The following HNRNPK variants were observed in gnomAD, a reference collection of about 807,000 sequenced individuals.
The protein encoded by HNRNPK is dC-stretch binding protein.
In HNRNPK, 7 loss-of-function variants were observed where a neutral mutation model predicts 67.0. The ratio of observed to expected loss-of-function variants is 0.10; its 90% CI spans 0.06 to 0.20. The LOEUF (loss-of-function observed/expected upper bound fraction) is 0.20, where lower values mean the gene tolerates loss of function less well. Among genes scored for constraint, HNRNPK ranks in the 10% least tolerant of loss-of-function variants. HNRNPK has a pLI of 1.00. For missense variants in HNRNPK, 264 were observed against 606.5 expected (o/e 0.44, Z 5.93); for synonymous variants, 213 against 193.7 (o/e 1.10, Z -0.83).
At chr9:83,975,754 T>C (rs1286045327) in intron 5 of HNRNPK, 1 of 568,736 alleles carries the variant, frequency 1.8e-6, no homozygotes, top group Non-Finnish European at 3.2e-6. Flanking sequence ...GGAAAAGCAA[T>C]AAATTTTAAT....
At chr9:83,979,737 C>G (rs1041685436) in intron 1 of HNRNPK, among the ~76,000 whole-genome samples, 18 of 152,134 alleles carry the variant, frequency 1.2e-4, no homozygotes, top group Admixed American at 7.9e-4. Flanking sequence ...CCTCCCCCCA[C>G]TGCCCGAGAC....
chr9:83,976,718 C>G (rs1431374613), intron 5 of HNRNPK: 1 of 290,762 alleles, frequency 3.4e-6, no homozygotes, highest in East Asian at 5.8e-5. Context: ...GTCGCTATTT[C>G]TAATTAAGAT....
At chr9:83,976,507 T>C (rs184848554) in intron 5 of HNRNPK, 1 of 152,666 alleles carries the variant, frequency 6.6e-6, no homozygotes, top group Admixed American at 6.5e-5. Context: ...CTCTATTCTT[T>C]ACCCATATTT....
chr9:83,970,240 T>G lies in HNRNPK; in HGVS notation c.1283A>C (p.Glu428Ala). ...GGTAATGATCCGATCTTCGGATCCT[T>G]CTAAAGGCTCATCAATTTTGATCGA... The part of the protein sequence containing the change: ...GASIKIDEPL[E>A]GSEDRIITIT... Residue 428 changes from glutamate to alanine, a missense_variant, in exon 16 of 17, where the codon GAA (glutamate) becomes GCA (alanine). Coordinates refer to ENST00000376263, the MANE Select transcript of HNRNPK (RefSeq NM_031263.4). The G allele has an allele frequency of 6.2e-7, 1 of 1,613,722 alleles. No homozygotes were observed. The highest frequency in any genetic ancestry group is 8.5e-7 in the Non-Finnish European group (1 of 1,179,632).
intron 7 of HNRNPK, 55 bp downstream of exon 7, chr9:83,974,462 C>A (rs1226212770): frequency 2.3e-6 from 2 of 867,216 alleles, no homozygotes; most frequent in African/African-American, 1.7e-5. Flanking sequence ...ATACAACATA[C>A]TTTAAACATT....
intron 11 of HNRNPK, 59 bp from the exon 12 acceptor site, chr9:83,971,785 A>G (rs1186485221): frequency 9.4e-6 from 15 of 1,597,768 alleles, no homozygotes; most frequent in Non-Finnish European, 1.3e-5. Context: ...ATATCAAATC[A>G]AAGTCTACCT....
chr9:83,972,264 T>C, intron 10 of HNRNPK, 75 bp from the exon 11 acceptor site: 2 of 1,099,026 alleles, frequency 1.8e-6, no homozygotes, highest in Non-Finnish European at 2.6e-6. Context: ...TCTAACATCA[T>C]CATCAAACAA....
Position 83,971,734 on chromosome 9 carries a change from C to A in HNRNPK, c.954-8G>T, listed in dbSNP as rs1368965627. On this transcript the variant is annotated splice_region_variant and splice_polypyrimidine_tract_variant and intron_variant, in intron 11 of 16. Transcript: ENST00000376263. ...TCATAGGCCATGAGGTCTCTGCAAG[C>A]ATAGTACTTGTTGTAATCTAAACGT... 6.2e-7 allele frequency: 1 copy of A among 1,613,112 alleles called. No individual in the cohort carries two copies. The highest frequency in any genetic ancestry group is 1.3e-5 in the African/African-American group (1 of 74,898).
chr9:83,971,893 T>C lies in HNRNPK; in HGVS notation c.942A>G (p.Pro314=). ...ARNLPLPPPP[P]PRGGDLMAYD... Reference sequence around the variant, plus strand: ...AAAAAACAACTTACCCCCCTCTAGGTGGTGGTGGTGGAGGAAGAGGAAGAT... The same window carrying C: ...AAAAAACAACTTACCCCCCTCTAGGCGGTGGTGGTGGAGGAAGAGGAAGAT... The change falls in exon 11 of 17, where the codon CCA becomes CCG. Residue 314 remains proline (P), a synonymous_variant. Transcript: ENST00000376263. 1 of 1,551,896 alleles carries C rather than the reference T, an allele frequency of 6.4e-7. No homozygotes were observed.
At position 83,973,270 on chromosome 9, in the gene HNRNPK, A is replaced by AT. The variant is rs112088787; in HGVS notation, c.516+15dup. On this transcript the variant is annotated intron_variant, in intron 9 of 16. Transcript: ENST00000376263. ...ACTTTCCAGCAAAGAATACGGCAGAATTTTTTTTTTTTTACCTCTCGAAGT... is the reference window on the plus strand; with the variant it reads ...ACTTTCCAGCAAAGAATACGGCAGAATTTTTTTTTTTTTTACCTCTCGAAGT... 23,139 of 1,218,370 alleles carry AT rather than the reference A, an allele frequency of 0.019. 25 individuals carry two copies. The highest frequency in any genetic ancestry group is 0.027 in the East Asian group (1,106 of 40,346). The allele number at this position is 1,218,370 out of a possible 1,614,324, so 75.5% of individuals were successfully genotyped here.
chr9:83,972,873 T>C lies in HNRNPK; in HGVS notation c.616A>G (p.Ile206Val), dbSNP rs1452859155. ...GGKPDRVVEC[I>V]KIILDLISES... ...GATATAAGATCAAGGATGATCTTTA[T>C]GCACTCTACAACCCTATCGGGTTTT... The change falls in exon 10 of 17, where the codon ATA becomes GTA. Residue 206 changes from isoleucine (I) to valine (V), a missense_variant. Coordinates refer to ENST00000376263, the MANE Select transcript of HNRNPK (RefSeq NM_031263.4). 6.2e-7 allele frequency: 1 copy of C among 1,608,270 alleles called. No homozygotes were observed. Among genetic ancestry groups the C allele is most frequent in the South Asian group, 1.1e-5 (1 of 90,404 alleles).
intron 1 of HNRNPK, among the ~76,000 whole-genome samples, chr9:83,978,926 G>C (rs185178328): frequency 2.0e-5 from 3 of 152,116 alleles, no homozygotes; most frequent in Non-Finnish European, 4.4e-5. Flanking sequence ...CCAACAACCA[G>C]AACAATCTAC....
intron 3 of HNRNPK, 71 bp from the exon 4 acceptor site, chr9:83,977,857 G>A (rs1288278168): frequency 1.1e-6 from 1 of 945,036 alleles, no homozygotes; most frequent in Non-Finnish European, 1.7e-6. Context: ...TGTTTCAAGA[G>A]ACTTGTTGCT....
intron 7 of HNRNPK, 66 bp from the exon 8 acceptor site, chr9:83,974,039 T>C (rs1448732100): frequency 5.0e-6 from 5 of 999,678 alleles, no homozygotes; most frequent in Admixed American, 1.9e-5. Context: ...GTCGCATATA[T>C]TGGTAAAGCT....
chr9:83,975,836 C>T (rs1052707301), intron 5 of HNRNPK: 2 of 324,436 alleles, frequency 6.2e-6, no homozygotes, highest in African/African-American at 2.0e-5. Context: ...CAATAATGGA[C>T]TTCTCTAAAT....
chr9:83,975,802 C>CT (rs1157161865), intron 5 of HNRNPK: 6 of 425,204 alleles, frequency 1.4e-5, no homozygotes, highest in Non-Finnish European at 2.6e-5. Flanking sequence ...ATGAAACAAG[C>CT]TTAAGTTGTT....
chr9:83,976,958 A>G, intron 5 of HNRNPK, 37 bp downstream of exon 5: 2 of 1,230,958 alleles, frequency 1.6e-6, no homozygotes, highest in Non-Finnish European at 2.4e-6. Context: ...TATAAACTGA[A>G]GCTGCTCGTG....
Position 83,972,168 on chromosome 9 carries a change from G to T in HNRNPK, c.667C>A (p.Gln223Lys), listed in dbSNP as rs1402715566. The T allele has an allele frequency of 6.2e-7, 1 of 1,604,576 alleles. No homozygotes were observed. Among genetic ancestry groups the T allele is most frequent in the African/African-American group, 1.3e-5 (1 of 74,516 alleles). The part of the protein sequence containing the change: ...ISESPIKGRA[Q>K]PYDPNFYDET... ...TCGTAAAAATTGGGATCATAAGGCT[G>T]TGCACGTCCTTTGATGGGAGACTAA... is the stretch of plus-strand genomic sequence containing the variant. Residue 223 changes from glutamine to lysine, a missense_variant, in exon 11 of 17, where the codon CAG becomes AAG. Gln to Lys is a moderately conservative substitution (Grantham distance 53). Coordinates refer to ENST00000376263, the MANE Select transcript of HNRNPK (RefSeq NM_031263.4).
In HNRNPK at chr9:83,971,742, T is replaced by C. The variant is rs1348354206; in HGVS notation, c.954-16A>G. On this transcript the variant is annotated splice_polypyrimidine_tract_variant and intron_variant, in intron 11 of 16. Transcript: ENST00000376263. ...CATGAGGTCTCTGCAAGCATAGTAC[T>C]TGTTGTAATCTAAACGTGCTTACAT... is the stretch of plus-strand genomic sequence containing the variant. 2 of 1,612,608 alleles carry C rather than the reference T, an allele frequency of 1.2e-6. No homozygotes were observed. Among genetic ancestry groups the C allele is most frequent in the African/African-American group, 2.7e-5 (2 of 75,012 alleles).
Sources: gnomAD v4.1 joint callset for allele counts (sites outside exome capture counted in the v4.1 genomes callset) on GRCh38, gnomAD v4.1.1 for gene constraint, MANE v1.5 for transcripts, NCBI Gene and HGNC (gene_info 2026-07-23, HGNC 2026-07-21) for gene names.